FHIT: variants seen among roughly 807,000 people sequenced by gnomAD.
FHIT encodes bis(5'-adenosyl)-triphosphatase.
A neutral mutation model predicts 17.9 loss-of-function variants in FHIT; 19 were observed. The ratio of observed to expected loss-of-function variants is 1.06; its 90% confidence interval spans 0.74 to 1.56. The LOEUF (loss-of-function observed/expected upper bound fraction) is 1.56, where lower values mean the gene tolerates loss of function less well. FHIT is among the 40% of genes most tolerant of loss of function. FHIT has a pLI of 0.00. For synonymous variants in FHIT, 81 were observed against 69.7 expected, an observed-to-expected ratio of 1.16 and a Z score of -0.81; for missense variants, 248 against 189.2, an observed-to-expected ratio of 1.31 and a Z score of -1.82.
intron 3 of FHIT, among the ~76,000 whole-genome samples, chr3:60,857,022 A>T (rs1553750180): frequency 1.3e-5 from 2 of 152,186 alleles, no homozygotes; most frequent in African/African-American, 2.4e-5. Context: ...TATAATACTC[A>T]TCACACTTGT....
intron 5 of FHIT, among the ~76,000 whole-genome samples, chr3:60,115,577 C>T (rs1704920038): frequency 6.6e-6 from 1 of 152,148 alleles, no homozygotes; most frequent in African/African-American, 2.4e-5. Context: ...TCATAGCGTT[C>T]TGGCAACTTA....
chr3:60,642,353 C>T (rs376148826), intron 4 of FHIT, among the ~76,000 whole-genome samples: 98 of 152,288 alleles, frequency 6.4e-4, no homozygotes, highest in Non-Finnish European at 1.1e-3. Flanking sequence ...GAAATGATGG[C>T]CATTTGGCAA....
rs185465805 is a variant in FHIT at position 60,341,251 on chromosome 3, T to C, written c.103+195609A>G. Among the ~76,000 whole-genome samples the C allele has an allele frequency of 9.8e-5, 15 of 152,354 alleles. No homozygotes were observed. The East Asian group carries it at 2.7e-3, about 27-fold the overall frequency. Reference sequence around the variant, plus strand: ...CACTTTAGTTTGTAAGGTATACCTATATTAAGCCTCATCGTTGCATGTATT... The same window carrying C: ...CACTTTAGTTTGTAAGGTATACCTACATTAAGCCTCATCGTTGCATGTATT... On this transcript the variant is annotated intron_variant, in intron 5 of 9. Transcript: ENST00000492590.
At chr3:60,485,011 T>C (rs1251431257) in intron 5 of FHIT, among the ~76,000 whole-genome samples, 3 of 152,162 alleles carry the variant, frequency 2.0e-5, no homozygotes, top group Non-Finnish European at 4.4e-5. Context: ...CAGACATTTC[T>C]TAAAAGGAGA....
In FHIT at chr3:60,341,182, C is replaced by G. The variant is rs531117319; in HGVS notation, c.103+195678G>C. Among the ~76,000 whole-genome samples the G allele has an allele frequency of 9.2e-5, 14 of 152,228 alleles. No homozygotes were observed. In the East Asian group the frequency reaches 2.3e-3, roughly 25 times the overall value. ...ACAGAAGGATGACTGCGTTCTCATT[C>G]CACCGTGGGGGTGTGTTGTTTTGAG... On this transcript the variant is annotated intron_variant, in intron 5 of 9. Coordinates refer to ENST00000492590, the MANE Select transcript of FHIT (RefSeq NM_002012.4).
intron 5 of FHIT, among the ~76,000 whole-genome samples, chr3:60,453,588 G>A (rs184455136): frequency 1.3e-5 from 2 of 152,174 alleles, no homozygotes; most frequent in Non-Finnish European, 2.9e-5. Context: ...ATGCCTTCAG[G>A]TTTCACCATC....
intron 2 of FHIT, among the ~76,000 whole-genome samples, chr3:61,060,903 T>C (rs990963695): frequency 6.6e-6 from 1 of 152,170 alleles, no homozygotes; most frequent in Admixed American, 6.5e-5. Context: ...GGATTGGAGG[T>C]CAAGTTACCC....
At chr3:60,891,196 C>G (rs1553760595) in intron 3 of FHIT, among the ~76,000 whole-genome samples, 1 of 152,128 alleles carries the variant, frequency 6.6e-6, no homozygotes. Flanking sequence ...TATAGTAGCT[C>G]TCTCTATGTT....
At position 60,007,475 on chromosome 3, in the gene FHIT, A is replaced by G. The variant is rs539141871; in HGVS notation, c.279+3896T>C. Reference sequence around the variant, plus strand: ...ATGAGATTCGTTCCAACAAGCAACAAGCAAAGTTCCATTATCATCATCATT... The same window carrying G: ...ATGAGATTCGTTCCAACAAGCAACAGGCAAAGTTCCATTATCATCATCATT... On this transcript the variant is annotated intron_variant, in intron 7 of 9. Coordinates refer to ENST00000492590, the MANE Select transcript of FHIT (RefSeq NM_002012.4). Among the ~76,000 whole-genome samples the G allele has an allele frequency of 5.9e-5, 9 of 152,198 alleles. No homozygotes were observed. In the South Asian group the frequency reaches 1.7e-3, roughly 28 times the overall value.
intron 4 of FHIT, among the ~76,000 whole-genome samples, chr3:60,737,487 T>C (rs1208054904): frequency 1.3e-5 from 2 of 152,220 alleles, no homozygotes; most frequent in Admixed American, 6.5e-5. Flanking sequence ...ATGAAGATAG[T>C]CTAAACAGAA....
intron 8 of FHIT, among the ~76,000 whole-genome samples, chr3:59,779,778 A>AC (rs1366432648): frequency 1.3e-5 from 2 of 152,206 alleles, no homozygotes; most frequent in Admixed American, 1.3e-4. Flanking sequence ...AATGCAGTAG[A>AC]CAACAGAGCC....
intron 7 of FHIT, among the ~76,000 whole-genome samples, chr3:59,948,693 G>A (rs1268474076): frequency 6.6e-6 from 1 of 152,020 alleles, no homozygotes; most frequent in Non-Finnish European, 1.5e-5. Flanking sequence ...ACTCATCATG[G>A]CCTTAATTTG....
At chr3:60,366,590 G>A (rs1700115878) in intron 5 of FHIT, among the ~76,000 whole-genome samples, 1 of 152,118 alleles carries the variant, frequency 6.6e-6, no homozygotes, top group Non-Finnish European at 1.5e-5. Flanking sequence ...CACTTATCAT[G>A]GGAGTATGTT....
At chr3:60,385,319 A>T (rs1246215431) in intron 5 of FHIT, among the ~76,000 whole-genome samples, 1 of 152,202 alleles carries the variant, frequency 6.6e-6, no homozygotes, top group African/African-American at 2.4e-5. Flanking sequence ...AATGCCTTAA[A>T]TCACCCACAA....
At chr3:60,126,891 T>A (rs757372233) in intron 5 of FHIT, among the ~76,000 whole-genome samples, 7 of 152,170 alleles carry the variant, frequency 4.6e-5, no homozygotes, top group Non-Finnish European at 8.8e-5. Context: ...GTGAGTTTCC[T>A]CCTCTTTGAG....
intron 5 of FHIT, among the ~76,000 whole-genome samples, chr3:60,142,089 T>C (rs1251932738): frequency 6.6e-6 from 1 of 152,202 alleles, no homozygotes; most frequent in East Asian, 1.9e-4. Context: ...TTACCATCCA[T>C]TCCTGTTATC....
At chr3:60,958,552 C>T (rs1204188375) in intron 3 of FHIT, among the ~76,000 whole-genome samples, 1 of 152,114 alleles carries the variant, frequency 6.6e-6, no homozygotes, top group Non-Finnish European at 1.5e-5. Context: ...CAAGTTTGAC[C>T]AAATGTTTCT....
intron 3 of FHIT, among the ~76,000 whole-genome samples, chr3:60,861,078 C>G (rs1370724409): frequency 1.1e-5 from 1 of 90,710 alleles, no homozygotes; most frequent in Admixed American, 1.3e-4. Context: ...ATATGATGTA[C>G]GTCATATATA....
At chr3:61,102,066 C>T (rs1286024156) in intron 2 of FHIT, among the ~76,000 whole-genome samples, 1 of 152,140 alleles carries the variant, frequency 6.6e-6, no homozygotes, top group African/African-American at 2.4e-5. Flanking sequence ...TGCCTTATTG[C>T]CCTGGCCAGA....
Sources: gnomAD v4.1 joint callset for allele counts (sites outside exome capture counted in the v4.1 genomes callset) on GRCh38, gnomAD v4.1.1 for gene constraint, MANE v1.5 for transcripts, NCBI Gene and HGNC (gene_info 2026-07-23, HGNC 2026-07-21) for gene names.